Variants in GLI2 observed in about 807,000 individuals in gnomAD.
GLI2 encodes the protein GLI family zinc finger 2.
Under a neutral mutation model 78.9 loss-of-function variants are expected in GLI2, and 22 were observed. That is an observed-to-expected ratio of 0.28 (90% CI 0.20 to 0.40). GLI2 has a LOEUF of 0.40. Among genes scored for constraint, GLI2 ranks in the 10% least tolerant of loss-of-function variants. The probability of loss-of-function intolerance (pLI) is 1.00; values close to 1 mark genes in which losing one functional copy is unlikely to be tolerated. For synonymous variants in GLI2, 974 were observed against 963.7 expected (o/e 1.01, Z -0.20); for missense variants, 2,097 against 2,213.2 (o/e 0.95, Z 1.05).
chr2:120,851,664 A>G (rs1443042527), intron 2 of GLI2, among the ~76,000 whole-genome samples: 1 of 152,222 alleles, frequency 6.6e-6, no homozygotes, highest in Admixed American at 6.5e-5. Context: ...CTGTCCCCGA[A>G]CACAGAGGAG....
chr2:120,941,669 G>A (rs1035672311), intron 3 of GLI2, among the ~76,000 whole-genome samples: 5 of 152,226 alleles, frequency 3.3e-5, no homozygotes, highest in African/African-American at 1.2e-4. Flanking sequence ...CTGAGGAAGT[G>A]GGCACCTGGT....
intron 3 of GLI2, among the ~76,000 whole-genome samples, chr2:120,940,006 G>A (rs779520851): frequency 1.3e-5 from 2 of 152,164 alleles, no homozygotes; most frequent in African/African-American, 2.4e-5. Flanking sequence ...CTAATTTTCT[G>A]TTTCCCTTAT....
intron 2 of GLI2, among the ~76,000 whole-genome samples, chr2:120,895,294 T>G (rs929961328): frequency 2.6e-5 from 4 of 152,170 alleles, no homozygotes; most frequent in Non-Finnish European, 5.9e-5. Context: ...AAAGTTTTGC[T>G]TGGATGTGGC....
chr2:120,984,322 A>G, intron 11 of GLI2, 149 bp from the exon 12 acceptor site: 2 of 842,486 alleles, frequency 2.4e-6, no homozygotes, highest in Non-Finnish European at 4.2e-6. Flanking sequence ...TCCACAGAGC[A>G]CTGGCTGCAA....
intron 1 of GLI2, among the ~76,000 whole-genome samples, chr2:120,747,568 A>G (rs755504904): frequency 7.2e-5 from 11 of 152,238 alleles, no homozygotes; most frequent in Non-Finnish European, 1.3e-4. Context: ...GTCTGGAGAC[A>G]TTTTTGGTTG....
intron 2 of GLI2, among the ~76,000 whole-genome samples, chr2:120,883,733 C>G (rs1022617428): frequency 6.6e-6 from 1 of 152,186 alleles, no homozygotes; most frequent in Non-Finnish European, 1.5e-5. Context: ...TTCTGTCATC[C>G]TCACTATTCT....
At chr2:120,820,496 G>A (rs1035624910) in intron 2 of GLI2, among the ~76,000 whole-genome samples, 2 of 152,218 alleles carry the variant, frequency 1.3e-5, no homozygotes, top group Non-Finnish European at 2.9e-5. Flanking sequence ...AGGAGGAGGC[G>A]GAGAGCTGCC....
At chr2:120,849,481 C>T (rs189405982) in intron 2 of GLI2, among the ~76,000 whole-genome samples, 9 of 152,148 alleles carry the variant, frequency 5.9e-5, no homozygotes, top group Non-Finnish European at 1.0e-4. Flanking sequence ...ATGATGATGG[C>T]GGCAATTGTG....
At position 120,845,610 on chromosome 2, in the gene GLI2, C is replaced by G. The variant is rs78381375; in HGVS notation, c.148+48142C>G. Among the ~76,000 whole-genome samples the G allele has an allele frequency of 8.0e-3, 1,213 of 152,274 alleles. 4 individuals carry two copies. The highest frequency in any genetic ancestry group is 0.012 in the Non-Finnish European group (835 of 68,022). ...CTCCCTGGGAGACCTGGAAAGCAAA[C>G]GGCACAGCAGTCGGGAGCCCCGGTC... On this transcript the variant is annotated intron_variant, in intron 2 of 13. Coordinates refer to ENST00000361492, the MANE Select transcript of GLI2 (RefSeq NM_001374353.1).
intron 5 of GLI2, among the ~76,000 whole-genome samples, chr2:120,956,697 T>C (rs1353736759): frequency 6.6e-6 from 1 of 152,056 alleles, no homozygotes; most frequent in African/African-American, 2.4e-5. Context: ...CACTCCCTGA[T>C]AGCCCACGGC....
In GLI2 at chr2:120,860,257, T is replaced by C. The variant is rs1431339481; in HGVS notation, c.148+62789T>C. On this transcript the variant is annotated intron_variant, in intron 2 of 13. Transcript: ENST00000361492. Reference sequence around the variant, plus strand: ...GTTTAGAGTAAGGTCAAGCGGTCAGTACCACAGCGTGCCCTGAGGATGGCT... The same window carrying C: ...GTTTAGAGTAAGGTCAAGCGGTCAGCACCACAGCGTGCCCTGAGGATGGCT... Among the ~76,000 whole-genome samples the C allele has an allele frequency of 4.6e-5, 7 of 152,174 alleles. No homozygotes were observed. In the South Asian group the frequency reaches 1.5e-3, roughly 32 times the overall value.
chr2:120,825,484 G>C (rs1354676884), intron 2 of GLI2, among the ~76,000 whole-genome samples: 1 of 149,480 alleles, frequency 6.7e-6, no homozygotes, highest in Non-Finnish European at 1.5e-5. Context: ...GCATCTGGCT[G>C]TGAGTGTGAC....
intron 2 of GLI2, among the ~76,000 whole-genome samples, chr2:120,832,176 C>T (rs2104770660): frequency 6.6e-6 from 1 of 152,346 alleles, no homozygotes; most frequent in East Asian, 1.9e-4. Flanking sequence ...AGGACTTCAT[C>T]TCTGTGTCTT....
At chr2:120,793,161 C>A (rs1183442929) in intron 1 of GLI2, among the ~76,000 whole-genome samples, 4 of 152,234 alleles carry the variant, frequency 2.6e-5, no homozygotes, top group Non-Finnish European at 4.4e-5. Context: ...CCTGGGTGAA[C>A]CTCCTAACGG....
At chr2:120,756,973 T>C (rs1202279045) in intron 1 of GLI2, among the ~76,000 whole-genome samples, 1 of 152,204 alleles carries the variant, frequency 6.6e-6, no homozygotes, top group African/African-American at 2.4e-5. Flanking sequence ...CGGATAGTTT[T>C]TGTTGCTATT....
At chr2:120,927,158 A>T (rs1433111625) in intron 2 of GLI2, among the ~76,000 whole-genome samples, 1 of 152,164 alleles carries the variant, frequency 6.6e-6, no homozygotes, top group Non-Finnish European at 1.5e-5. Flanking sequence ...GGGATCTTTT[A>T]TGTGAAAGAT....
intron 2 of GLI2, among the ~76,000 whole-genome samples, chr2:120,852,980 CAG>C (rs1167267457): frequency 1.3e-5 from 2 of 152,158 alleles, no homozygotes; most frequent in African/African-American, 4.8e-5. Context: ...CAGAGGAGCA[CAG>C]AGAAGACAGC....
intron 5 of GLI2, among the ~76,000 whole-genome samples, chr2:120,956,734 C>T (rs1049189887): frequency 3.9e-5 from 6 of 152,064 alleles, no homozygotes; most frequent in Non-Finnish European, 4.4e-5. Context: ...GCAGGGAGAC[C>T]GTCCTGCAGG....
At chr2:120,755,010 C>T (rs1216892948) in intron 1 of GLI2, among the ~76,000 whole-genome samples, 3 of 152,106 alleles carry the variant, frequency 2.0e-5, no homozygotes, top group African/African-American at 7.2e-5. Context: ...CACCACCATG[C>T]CCAGCTAATT....
Sources: allele counts gnomAD v4.1 joint callset (sites outside exome capture counted in the v4.1 genomes callset), GRCh38; gene constraint gnomAD v4.1.1; transcripts MANE v1.5; gene names NCBI Gene and HGNC (gene_info 2026-07-23, HGNC 2026-07-21).